UNC13B: variants seen among roughly 807,000 people sequenced by gnomAD.
UNC13B encodes the protein unc-13 homolog B.
A neutral mutation model predicts 211.0 loss-of-function variants in UNC13B; 144 were observed. That is an observed-to-expected ratio of 0.68 (90% CI 0.60 to 0.78). The LOEUF is 0.78. Ranked by LOEUF, UNC13B falls within the 30% of genes least tolerant of loss-of-function variation. UNC13B has a pLI of 0.00. For missense variants in UNC13B, 1,777 were observed against 2,002.0 expected (o/e 0.89, Z 2.14); for synonymous variants, 709 against 725.8 (o/e 0.98, Z 0.37).
chr9:35,342,749 T>C (rs1020211141), intron 11 of UNC13B, among the ~76,000 whole-genome samples: 1 of 152,254 alleles, frequency 6.6e-6, no homozygotes, highest in Non-Finnish European at 1.5e-5. Context: ...CTTGCATATA[T>C]GAATATGCAA....
intron 7 of UNC13B, among the ~76,000 whole-genome samples, chr9:35,286,641 C>T (rs998045561): frequency 2.0e-5 from 3 of 152,040 alleles, no homozygotes; most frequent in African/African-American, 7.2e-5. Flanking sequence ...AGTAGGATGA[C>T]TCCAGAAGCT....
chr9:35,185,850 A>G (rs1452123247), intron 1 of UNC13B, among the ~76,000 whole-genome samples: 1 of 151,574 alleles, frequency 6.6e-6, no homozygotes, highest in East Asian at 1.9e-4. Flanking sequence ...CTCTAGATGT[A>G]GAGACTGCAG....
At position 35,397,186 on chromosome 9, in the gene UNC13B, A is replaced by G. The variant is rs749919081; in HGVS notation, c.11552A>G (p.His3851Arg). ...CCTTAGTTCCAGCAGACATCAGAGC[A>G]TGCACTCTTTTCCTGCTCTGTGGTG... is the stretch of plus-strand genomic sequence containing the variant. Reference protein sequence around the residue: ...KKDGFQQTSEHALFSCSVVDV... With the variant: ...KKDGFQQTSERALFSCSVVDV... The change falls in exon 29 of 40, where the codon CAT becomes CGT. Residue 3851 changes from histidine to arginine, a missense_variant. By Grantham distance (29) the His-to-Arg change is conservative. Coordinates refer to ENST00000635942, the MANE Select transcript of UNC13B (RefSeq NM_001371189.2). The G allele has an allele frequency of 3.5e-5, 56 of 1,614,074 alleles. No individual in the cohort carries two copies. Among genetic ancestry groups the G allele is most frequent in the East Asian group, 6.7e-5 (3 of 44,888 alleles).
chr9:35,293,843 G>C (rs1416517778), intron 7 of UNC13B, among the ~76,000 whole-genome samples: 2 of 152,120 alleles, frequency 1.3e-5, no homozygotes, highest in African/African-American at 4.8e-5. Context: ...ACTAATACTT[G>C]TTCCTGACCA....
chr9:35,294,817 G>A (rs1829269480), intron 7 of UNC13B, among the ~76,000 whole-genome samples: 1 of 152,170 alleles, frequency 6.6e-6, no homozygotes, highest in South Asian at 2.1e-4. Context: ...CTCTTAGGTT[G>A]AGCTCCCTTT....
intron 1 of UNC13B, among the ~76,000 whole-genome samples, chr9:35,183,683 T>C (rs1342395452): frequency 9.6e-3 from 395 of 41,124 alleles, no homozygotes; most frequent in Middle Eastern, 0.043. Context: ...CGCTCCTCAC[T>C]TCCCAGACGG....
At chr9:35,294,479 G>C (rs1238869286) in intron 7 of UNC13B, among the ~76,000 whole-genome samples, 1 of 152,040 alleles carries the variant, frequency 6.6e-6, no homozygotes, top group Non-Finnish European at 1.5e-5. Flanking sequence ...GCTAATTTTT[G>C]TATTTTTATA....
chr9:35,294,876 CA>C (rs1287817667), intron 7 of UNC13B, among the ~76,000 whole-genome samples: 1 of 152,102 alleles, frequency 6.6e-6, no homozygotes, highest in African/African-American at 2.4e-5. Flanking sequence ...TTAACTTTAA[CA>C]AAAAAACTGT....
intron 11 of UNC13B, among the ~76,000 whole-genome samples, chr9:35,365,652 C>T (rs956438292): frequency 6.6e-6 from 1 of 151,976 alleles, no homozygotes; most frequent in Non-Finnish European, 1.5e-5. Context: ...TATTTCCCAC[C>T]TACTGTTGTT....
At chr9:35,179,050 A>G (rs1821793009) in intron 1 of UNC13B, among the ~76,000 whole-genome samples, 1 of 152,194 alleles carries the variant, frequency 6.6e-6, no homozygotes, top group Non-Finnish European at 1.5e-5. Context: ...AAATGAGGGC[A>G]CTGGCCTACT....
chr9:35,289,803 C>G (rs953271877), intron 7 of UNC13B, among the ~76,000 whole-genome samples: 8 of 152,028 alleles, frequency 5.3e-5, no homozygotes, highest in African/African-American at 1.9e-4. Context: ...ATGGTGAAAC[C>G]CTGTCTCTAC....
At chr9:35,332,255 A>G (rs576845478) in intron 11 of UNC13B, among the ~76,000 whole-genome samples, 13 of 152,266 alleles carry the variant, frequency 8.5e-5, no homozygotes, top group African/African-American at 3.1e-4. Context: ...CAGCCTCCCA[A>G]CTAGCCTTTG....
At chr9:35,294,346 G>A (rs184424106) in intron 7 of UNC13B, among the ~76,000 whole-genome samples, 121 of 150,922 alleles carry the variant, frequency 8.0e-4, no homozygotes, top group Non-Finnish European at 1.4e-3. Flanking sequence ...TTGCTCTGTC[G>A]CCCAGGCTGG....
chr9:35,400,224 T>A, intron 36 of UNC13B, 72 bp from the exon 37 acceptor site: 1 of 1,575,260 alleles, frequency 6.3e-7, no homozygotes, highest in Non-Finnish European at 8.6e-7. Flanking sequence ...TTCTTGCTTC[T>A]CTGAGGACAA....
intron 10 of UNC13B, among the ~76,000 whole-genome samples, chr9:35,313,427 C>A (rs1163646554): frequency 6.6e-6 from 1 of 151,962 alleles, no homozygotes; most frequent in Non-Finnish European, 1.5e-5. Context: ...GAGTTCAAGA[C>A]AAGCCTGGGC....
chr9:35,266,132 G>GCT (rs1827561945), intron 7 of UNC13B, among the ~76,000 whole-genome samples: 1 of 152,138 alleles, frequency 6.6e-6, no homozygotes, highest in African/African-American at 2.4e-5. Flanking sequence ...TGGGTTTGCT[G>GCT]CTCTCTCTCT....
intron 16 of UNC13B, 67 bp downstream of exon 16, chr9:35,377,762 A>C: frequency 1.3e-6 from 2 of 1,509,888 alleles, no homozygotes; most frequent in Non-Finnish European, 1.8e-6. Context: ...GGGAAGAAAC[A>C]TCCTGAGCGT....
At chr9:35,205,318 C>T (rs920629909) in intron 1 of UNC13B, among the ~76,000 whole-genome samples, 3 of 152,110 alleles carry the variant, frequency 2.0e-5, no homozygotes, top group African/African-American at 7.2e-5. Flanking sequence ...AATACACACA[C>T]ACAAACACAC....
At chr9:35,230,717 C>A (rs1033893474) in intron 2 of UNC13B, among the ~76,000 whole-genome samples, 29 of 151,716 alleles carry the variant, frequency 1.9e-4, no homozygotes, top group Non-Finnish European at 3.7e-4. Flanking sequence ...TTGGATTTTT[C>A]CCCCCAGATG....
Sources: allele counts gnomAD v4.1 joint callset (sites outside exome capture counted in the v4.1 genomes callset), GRCh38; gene constraint gnomAD v4.1.1; transcripts MANE v1.5; gene names NCBI Gene and HGNC (gene_info 2026-07-23, HGNC 2026-07-21).